The following EDA variants were observed in gnomAD, a reference collection of about 807,000 sequenced individuals.
EDA encodes the protein ectodysplasin A.
A neutral mutation model predicts 23.6 loss-of-function variants in EDA; 2 were observed. The observed-to-expected ratio is 0.08, with a 90% CI of 0.03 to 0.27. EDA has a LOEUF of 0.27. Among genes scored for constraint, EDA ranks in the 10% least tolerant of loss-of-function variants. EDA has a pLI of 1.00. For synonymous variants in EDA, 131 were observed against 132.0 expected, an observed-to-expected ratio of 0.99 and a Z score of 0.05; for missense variants, 229 against 324.2, an observed-to-expected ratio of 0.71 and a Z score of 2.26.
chrX:69,740,652 G>A (rs866913102), intron 1 of EDA, among the ~76,000 whole-genome samples: 1 of 109,254 alleles, frequency 9.2e-6, no homozygotes, highest in African/African-American at 3.3e-5. Flanking sequence ...CTTGGAGTTT[G>A]TTGAGCTTTT....
intron 1 of EDA, among the ~76,000 whole-genome samples, chrX:69,827,885 C>T (rs1258257450): frequency 9.0e-6 from 1 of 111,630 alleles, no homozygotes; most frequent in South Asian, 3.8e-4. Flanking sequence ...TTTGGTGTGG[C>T]TGTCCTTTCT....
chrX:69,697,756 G>A (rs2011398631), intron 1 of EDA, among the ~76,000 whole-genome samples: 1 of 112,007 alleles, frequency 8.9e-6, no homozygotes, highest in East Asian at 2.8e-4. Flanking sequence ...CCCTCCAGAA[G>A]GTTTGTTGGG....
At chrX:69,746,936 A>G (rs1330658459) in intron 1 of EDA, among the ~76,000 whole-genome samples, 1 of 111,141 alleles carries the variant, frequency 9.0e-6, no homozygotes, top group African/African-American at 3.3e-5. Flanking sequence ...CCCAAGTTTC[A>G]TTAAGAGGTT....
At chrX:69,844,018 T>A in intron 1 of EDA, among the ~76,000 whole-genome samples, 1 of 42,839 alleles carries the variant, frequency 2.3e-5, no homozygotes, top group East Asian at 6.9e-4. Context: ...CAAGACTCTG[T>A]CTCAAAAAAA....
chrX:69,874,908 C>T (rs1304217573), intron 1 of EDA, among the ~76,000 whole-genome samples: 1 of 111,860 alleles, frequency 8.9e-6, no homozygotes, highest in Non-Finnish European at 1.9e-5. Flanking sequence ...AAATAAAATA[C>T]TTAGGAATAT....
chrX:69,682,564 G>C (rs775356256), intron 1 of EDA, among the ~76,000 whole-genome samples: 5 of 112,122 alleles, frequency 4.5e-5, no homozygotes, highest in East Asian at 5.6e-4. Context: ...GCAGTATTCG[G>C]GTGGGAGTGA....
At chrX:69,914,158 C>T (rs2018308587) in intron 1 of EDA, among the ~76,000 whole-genome samples, 1 of 111,816 alleles carries the variant, frequency 8.9e-6, no homozygotes, top group Non-Finnish European at 1.9e-5. Flanking sequence ...TAGATTTGCT[C>T]AAGGTAGGTT....
At chrX:69,754,221 C>T (rs898300458) in intron 1 of EDA, among the ~76,000 whole-genome samples, 3 of 111,818 alleles carry the variant, frequency 2.7e-5, no homozygotes, top group Non-Finnish European at 1.9e-5. Context: ...TTGTTCCTTT[C>T]CATGTTTAGT....
At chrX:69,997,692 G>C (rs1221759476) in intron 2 of EDA, among the ~76,000 whole-genome samples, 1 of 110,707 alleles carries the variant, frequency 9.0e-6, no homozygotes, top group Non-Finnish European at 1.9e-5. Context: ...GGAGGGAAAA[G>C]TGGTTTCGTG....
intron 1 of EDA, among the ~76,000 whole-genome samples, chrX:69,707,263 G>A (rs2520367): frequency 0.31 from 33,984 of 110,963 alleles, 4,899 homozygotes; most frequent in Middle Eastern, 0.56. Context: ...TATTAGACAG[G>A]TTTGGACACA....
rs190471117 is a variant in EDA at position 69,922,012 on chromosome X, C to G, written c.397-35015C>G. 9.8e-5 allele frequency among the ~76,000 whole-genome samples: 11 copies of G among 111,828 alleles called. No individual in the cohort carries two copies. The East Asian group carries it at 2.8e-3, about 29-fold the overall frequency. ...ACTGATCATCTGTATACCATCTCTA[C>G]AGTTTTGCCTTTTCCAAAATGTTGC... On this transcript the variant is annotated intron_variant, in intron 1 of 7. Transcript: ENST00000374552.
chrX:69,957,561 G>A (rs1342566247), intron 2 of EDA: 1 of 131,510 alleles, frequency 7.6e-6, no homozygotes, highest in Non-Finnish European at 1.5e-5. Context: ...ACAGACCCAA[G>A]GTCATAGACT....
chrX:69,861,668 A>C (rs2017388708), intron 1 of EDA, among the ~76,000 whole-genome samples: 2 of 111,615 alleles, frequency 1.8e-5, no homozygotes, highest in South Asian at 7.3e-4. Context: ...GAACACAGGA[A>C]GATTAAAACC....
At chrX:69,696,501 A>T (rs12389701) in intron 1 of EDA, among the ~76,000 whole-genome samples, 1 of 111,637 alleles carries the variant, frequency 9.0e-6, no homozygotes, top group Non-Finnish European at 1.9e-5. Flanking sequence ...ACAATCAATC[A>T]TTCTACTTTA....
At chrX:69,759,172 C>A (rs964320101) in intron 1 of EDA, among the ~76,000 whole-genome samples, 4 of 112,265 alleles carry the variant, frequency 3.6e-5, no homozygotes, top group African/African-American at 9.7e-5. Flanking sequence ...CCCAATACAG[C>A]ATTGTAACTA....
intron 1 of EDA, among the ~76,000 whole-genome samples, chrX:69,639,392 A>T (rs1484746214): frequency 8.9e-6 from 1 of 111,834 alleles, no homozygotes; most frequent in Non-Finnish European, 1.9e-5. Context: ...CCAGAGGTGT[A>T]TGAGGGTTCC....
intron 1 of EDA, among the ~76,000 whole-genome samples, chrX:69,734,064 G>A (rs1351914094): frequency 1.8e-5 from 2 of 110,752 alleles, no homozygotes; most frequent in Non-Finnish European, 3.8e-5. Context: ...AGTCATATGG[G>A]GTTGGAGGGC....
intron 1 of EDA, among the ~76,000 whole-genome samples, chrX:69,813,816 T>A (rs866588543): frequency 2.9e-5 from 3 of 102,109 alleles, no homozygotes; most frequent in African/African-American, 7.1e-5. Flanking sequence ...ATGCTGCATT[T>A]AAAAAAAAAA....
intron 1 of EDA, among the ~76,000 whole-genome samples, chrX:69,940,067 G>A (rs975243823): frequency 9.0e-6 from 1 of 111,127 alleles, no homozygotes; most frequent in Admixed American, 9.5e-5. Flanking sequence ...ATGTGTTTTT[G>A]TCTGGTTTTG....
Sources: allele counts gnomAD v4.1 joint callset (sites outside exome capture counted in the v4.1 genomes callset), GRCh38; gene constraint gnomAD v4.1.1; transcripts MANE v1.5; gene names NCBI Gene and HGNC (gene_info 2026-07-23, HGNC 2026-07-21).